SCN8A: variants seen among roughly 807,000 people sequenced by gnomAD.
SCN8A encodes the protein sodium channel protein type 8 subunit alpha.
Under a neutral mutation model 184.1 loss-of-function variants are expected in SCN8A, and 30 were observed. That is an observed-to-expected ratio of 0.16 (90% CI 0.12 to 0.22). The LOEUF is 0.22. Ranked by LOEUF, SCN8A falls within the 10% of genes least tolerant of loss-of-function variation. SCN8A has a pLI of 1.00. For synonymous variants in SCN8A, 852 were observed against 907.0 expected (o/e 0.94, Z 1.09); for missense variants, 1,057 against 2,498.9 (o/e 0.42, Z 12.30).
Position 51,807,186 on chromosome 12 carries a change from G to C in SCN8A, c.5700G>C (p.Val1900=), listed in dbSNP as rs1297701524. 2.5e-6 allele frequency: 4 copies of C among 1,613,968 alleles called. No homozygotes were observed. The highest frequency in any genetic ancestry group is 3.4e-6 in the Non-Finnish European group (4 of 1,179,890). Residue 1900 remains valine (V), a synonymous_variant, in exon 27 of 27, where the codon GTG becomes GTC. Coordinates refer to ENST00000627620, the MANE Select transcript of SCN8A (RefSeq NM_001330260.2). This position sits in a 1 kb window ranked among gnomAD's most constrained non-coding sequence, Gnocchi z 4.5. ...LRRKQEEVSA[V]VLQRAYRGHL... ...GCAAGCAGGAGGAGGTATCTGCAGT[G>C]GTCCTGCAGCGTGCCTACCGGGGAC...
At chr12:51,805,087 A>G (rs948140679) in intron 26 of SCN8A, among the ~76,000 whole-genome samples, 3 of 152,170 alleles carry the variant, frequency 2.0e-5, no homozygotes, top group Non-Finnish European at 4.4e-5. Flanking sequence ...TTGGAAAATC[A>G]TATGTGCACA....
At chr12:51,714,793 C>T (rs1941939290) in intron 11 of SCN8A, among the ~76,000 whole-genome samples, 1 of 152,222 alleles carries the variant, frequency 6.6e-6, no homozygotes, top group Admixed American at 6.5e-5. Context: ...AAAAGTTACA[C>T]TCTCAAATCC....
intron 19 of SCN8A, among the ~76,000 whole-genome samples, chr12:51,772,670 TC>T (rs1301254490): frequency 6.7e-6 from 1 of 150,362 alleles, no homozygotes; most frequent in Non-Finnish European, 1.5e-5. Flanking sequence ...ATGACCCCTG[TC>T]CCCCCCACTG....
In SCN8A at chr12:51,811,469, CAAAA is replaced by C. The variant is rs1030635056; in HGVS notation, c.*4044_*4047del. ...TCACCTGTATGTTAAAAAACAAAAA[CAAAA>C]AAACCCTATCCCTGTGCCCCAAAGC... On this transcript the variant is annotated 3_prime_UTR_variant, in exon 27 of 27. Coordinates refer to ENST00000627620, the MANE Select transcript of SCN8A (RefSeq NM_001330260.2). 6.6e-6 allele frequency: 1 copy of C among 152,284 alleles called. No individual in the cohort carries two copies. The highest frequency in any genetic ancestry group is 2.1e-4 in the South Asian group (1 of 4,820). The allele number at this position is 152,284 out of a possible 1,614,324, so 9.4% of individuals were successfully genotyped here. A position where few individuals can be genotyped will look rare whatever the true frequency, so the allele number is the denominator to read the frequency against.
Position 51,702,810 on chromosome 12 carries a change from A to G in SCN8A, c.1030A>G (p.Arg344Gly), listed in dbSNP as rs775362125. ...PEGYQCMKAG[R>G]NPNYGYTSFD... Reference sequence around the variant, plus strand: ...GGGATACCAGTGTATGAAAGCAGGAAGGAACCCCAACTATGGTTACACAAG... The same window carrying G: ...GGGATACCAGTGTATGAAAGCAGGAGGGAACCCCAACTATGGTTACACAAG... Residue 344 changes from arginine to glycine, a missense_variant, in exon 9 of 27, where the codon AGG becomes GGG. Arg to Gly is a moderately radical substitution (Grantham distance 125). Around this residue, in one of 19 missense-constraint regions of SCN8A, gnomAD observed 27 missense variants for 150.1 expected, o/e 0.18. Transcript: ENST00000627620. 1 of 1,610,162 alleles carries G rather than the reference A, an allele frequency of 6.2e-7. No homozygotes were observed. Among genetic ancestry groups the G allele is most frequent in the Non-Finnish European group, 8.5e-7 (1 of 1,178,100 alleles).
At chr12:51,784,663 C>G (rs555719610) in intron 21 of SCN8A, among the ~76,000 whole-genome samples, 7 of 152,140 alleles carry the variant, frequency 4.6e-5, no homozygotes, top group Non-Finnish European at 1.0e-4. Context: ...GAGAAAAAGG[C>G]TCTGAATATT....
At chr12:51,680,047 A>G (rs538032203) in intron 2 of SCN8A, among the ~76,000 whole-genome samples, 1 of 152,276 alleles carries the variant, frequency 6.6e-6, no homozygotes, top group Non-Finnish European at 1.5e-5. Flanking sequence ...GAAAAACTGC[A>G]TGCAAATTAT....
At position 51,807,204 on chromosome 12, in the gene SCN8A, C is replaced by T. The variant is rs904018623; in HGVS notation, c.5718C>T (p.Tyr1906=). 7.4e-6 allele frequency: 12 copies of T among 1,613,916 alleles called. No homozygotes were observed. The highest frequency in any genetic ancestry group is 8.5e-6 in the Non-Finnish European group (10 of 1,179,884). The change falls in exon 27 of 27, where the codon TAC becomes TAT. Residue 1906 remains tyrosine (Y), a synonymous_variant. Coordinates refer to ENST00000627620, the MANE Select transcript of SCN8A (RefSeq NM_001330260.2). This position sits in a 1 kb window ranked among gnomAD's most constrained non-coding sequence, Gnocchi z 4.5. ...EVSAVVLQRA[Y]RGHLARRGFI... is the part of the protein sequence containing the mutation. ...CTGCAGTGGTCCTGCAGCGTGCCTA[C>T]CGGGGACATTTGGCAAGGCGGGGCT...
At chr12:51,679,718 T>C (rs1173983745) in intron 2 of SCN8A, among the ~76,000 whole-genome samples, 3 of 138,138 alleles carry the variant, frequency 2.2e-5, no homozygotes, top group African/African-American at 7.8e-5. Flanking sequence ...AAGACTATCT[T>C]GCCTTTTTTT....
In SCN8A at chr12:51,788,690, G is replaced by T. The variant is rs1209695643; in HGVS notation, c.4228-5G>T. On this transcript the variant is annotated splice_region_variant and splice_polypyrimidine_tract_variant and intron_variant, in intron 22 of 26. Coordinates refer to ENST00000627620, the MANE Select transcript of SCN8A (RefSeq NM_001330260.2). ...CACCGTCTAATGACTGACTCTGTTT[G>T]CCAGGCAACCTTCAAAGGCTGGATG... is the stretch of plus-strand genomic sequence containing the variant. The T allele has an allele frequency of 1.2e-6, 2 of 1,604,948 alleles. No homozygotes were observed. Among genetic ancestry groups the T allele is most frequent in the Non-Finnish European group, 1.7e-6 (2 of 1,174,744 alleles).
At chr12:51,648,217 T>C (rs1940633530) in intron 1 of SCN8A, among the ~76,000 whole-genome samples, 1 of 152,108 alleles carries the variant, frequency 6.6e-6, no homozygotes, top group Non-Finnish European at 1.5e-5. Context: ...AAAGATAGAG[T>C]CTCACTATGT....
Position 51,754,773 on chromosome 12 carries a change from C to T in SCN8A, c.2370+3180C>T, listed in dbSNP as rs184892412. ...TTATGTAGAATTCCCTCAATGTGGG[C>T]TTGTCTGATGCTTCCTTATGATTAG... On this transcript the variant is annotated intron_variant, in intron 14 of 26. Coordinates refer to ENST00000627620, the MANE Select transcript of SCN8A (RefSeq NM_001330260.2). 3.7e-4 allele frequency among the ~76,000 whole-genome samples: 56 copies of T among 152,280 alleles called. No homozygotes were observed. In the East Asian group the frequency reaches 9.7e-3, roughly 26 times the overall value.
intron 1 of SCN8A, among the ~76,000 whole-genome samples, chr12:51,604,605 C>T (rs972621960): frequency 4.6e-5 from 7 of 152,122 alleles, no homozygotes; most frequent in African/African-American, 1.7e-4. Context: ...TCTCAGCTCA[C>T]CGCAACCTCC....
Position 51,798,671 on chromosome 12 carries a change from C to T in SCN8A, c.4795+4030C>T, listed in dbSNP as rs181233863. On this transcript the variant is annotated intron_variant, in intron 26 of 26. Coordinates refer to ENST00000627620, the MANE Select transcript of SCN8A (RefSeq NM_001330260.2). ...GGCCCATTGGGCAATGACAGGGGTG[C>T]CTGGGGAAAGAGGCTGAGTGGTGTC... Among the ~76,000 whole-genome samples, 63 of 152,276 alleles carry T rather than the reference C, an allele frequency of 4.1e-4. No individual in the cohort carries two copies. The East Asian group carries it at 7.5e-3, about 18-fold the overall frequency.
At chr12:51,742,797 C>T (rs766754327) in intron 12 of SCN8A, among the ~76,000 whole-genome samples, 13 of 152,122 alleles carry the variant, frequency 8.5e-5, no homozygotes, top group African/African-American at 2.4e-5. Flanking sequence ...CTATCCGTAT[C>T]TCTTTCTCTA....
At chr12:51,780,027 C>T (rs1472729793) in intron 20 of SCN8A, among the ~76,000 whole-genome samples, 1 of 152,110 alleles carries the variant, frequency 6.6e-6, no homozygotes, top group African/African-American at 2.4e-5. Flanking sequence ...AGCCATGGTA[C>T]TTATTGAACG....
At chr12:51,674,499 A>G (rs1233812605) in intron 2 of SCN8A, among the ~76,000 whole-genome samples, 4 of 151,856 alleles carry the variant, frequency 2.6e-5, no homozygotes. Context: ...CGCCTGGCTA[A>G]TTTTTTTGTA....
chr12:51,707,057 A>C (rs529235275), intron 11 of SCN8A, among the ~76,000 whole-genome samples: 1 of 152,214 alleles, frequency 6.6e-6, no homozygotes, highest in African/African-American at 2.4e-5. Context: ...CATTCTTTTT[A>C]TGGCTGAATA....
In SCN8A at chr12:51,687,204, G is replaced by A. The variant is rs1343300046; in HGVS notation, c.599G>A (p.Ser200Asn). The change falls in exon 5 of 27, where the codon AGT (serine) becomes AAT (asparagine). Residue 200 changes from serine to asparagine, a missense_variant. Physicochemically the swap from Ser to Asn is conservative, Grantham distance 46. Around this residue, in one of 19 missense-constraint regions of SCN8A, gnomAD observed 66 missense variants for 276.4 expected, o/e 0.24. Coordinates refer to ENST00000627620, the MANE Select transcript of SCN8A (RefSeq NM_001330260.2). ...LRDPWNWLDFSVIMMAYVTEF... is the reference protein window; with the variant it reads ...LRDPWNWLDFNVIMMAYVTEF... ...GACCCATGGAACTGGTTAGATTTCA[G>A]TGTCATCATGATGGCGTAAGTTCTC... The A allele has an allele frequency of 6.2e-7, 1 of 1,613,392 alleles. No individual in the cohort carries two copies. The highest frequency in any genetic ancestry group is 8.5e-7 in the Non-Finnish European group (1 of 1,179,560).
Sources: gnomAD v4.1 joint callset for allele counts (sites outside exome capture counted in the v4.1 genomes callset) on GRCh38, gnomAD v4.1.1 for gene constraint, gnomAD v4.1.1 regional missense constraint, Gnocchi (gnomAD v3.1) non-coding constraint, MANE v1.5 for transcripts, NCBI Gene and HGNC (gene_info 2026-07-23, HGNC 2026-07-21) for gene names.